The following PCDH11X variants were observed in gnomAD, a reference collection of about 807,000 sequenced individuals.
PCDH11X encodes protocadherin-11 X-linked.
A neutral mutation model predicts 53.3 loss-of-function variants in PCDH11X; 18 were observed. The observed-to-expected ratio is 0.34, with a 90% CI of 0.23 to 0.50. The LOEUF is 0.50. PCDH11X is among the 20% of genes least tolerant of loss of function. PCDH11X has a pLI of 0.98. For missense variants in PCDH11X, 570 were observed against 1,032.4 expected (o/e 0.55, Z 6.14); for synonymous variants, 279 against 393.3 (o/e 0.71, Z 3.44).
At chrX:92,494,755 A>G (rs2148688669) in intron 10 of PCDH11X, among the ~76,000 whole-genome samples, 1 of 101,134 alleles carries the variant, frequency 9.9e-6, no homozygotes, top group South Asian at 5.1e-4. Context: ...AGTATCAGTA[A>G]ATGCATAAGA....
At chrX:91,983,479 A>G in intron 6 of PCDH11X, 1 of 542,507 alleles carries the variant, frequency 1.8e-6, no homozygotes, top group Non-Finnish European at 3.3e-6. Context: ...ACTTGCCAAG[A>G]TTGGCATACA....
chrX:92,198,410 CAAAAAAAAAAA>C (rs148083122), intron 6 of PCDH11X, among the ~76,000 whole-genome samples: 1 of 31,620 alleles, frequency 3.2e-5, no homozygotes, highest in Admixed American at 6.0e-4. Flanking sequence ...GATCCTGTCT[CAAAAAAAAAAA>C]AAAAAAAAAA....
chrX:91,997,388 G>A (rs2062437914), intron 6 of PCDH11X, among the ~76,000 whole-genome samples: 2 of 111,227 alleles, frequency 1.8e-5, no homozygotes, highest in Admixed American at 1.9e-4. Context: ...GTTGAGCTAT[G>A]TTCCTTCTAT....
intron 10 of PCDH11X, among the ~76,000 whole-genome samples, chrX:92,489,767 A>T (rs192116432): frequency 0.014 from 1,519 of 105,242 alleles, 26 homozygotes; most frequent in African/African-American, 0.049. Context: ...ATATATATAA[A>T]TTTTTATATA....
At chrX:92,003,273 T>G (rs2062540874) in intron 6 of PCDH11X, among the ~76,000 whole-genome samples, 1 of 102,313 alleles carries the variant, frequency 9.8e-6, no homozygotes, top group African/African-American at 3.5e-5. Flanking sequence ...TATTGTTGAT[T>G]TTAGCTTGCT....
intron 6 of PCDH11X, among the ~76,000 whole-genome samples, chrX:92,126,681 A>AT (rs2064870884): frequency 9.7e-6 from 1 of 102,864 alleles, no homozygotes; most frequent in Non-Finnish European, 2.0e-5. Flanking sequence ...TTTTAAATAA[A>AT]TTTTTTACCA....
intron 5 of PCDH11X, among the ~76,000 whole-genome samples, chrX:91,871,227 T>C (rs901389755): frequency 9.0e-6 from 1 of 110,786 alleles, no homozygotes; most frequent in Non-Finnish European, 1.9e-5. Flanking sequence ...TTCCTTAATG[T>C]TTTCTAAAAC....
chrX:92,457,670 C>G (rs2072935173), intron 9 of PCDH11X, among the ~76,000 whole-genome samples: 1 of 107,527 alleles, frequency 9.3e-6, no homozygotes, highest in South Asian at 4.1e-4. Context: ...TATAAGTTGT[C>G]CATCCAGATG....
rs143353329 is a variant in PCDH11X at position 92,179,708 on chromosome X, C to G, written c.3034-21667C>G. On this transcript the variant is annotated intron_variant, in intron 6 of 10. Coordinates refer to ENST00000682573, the MANE Select transcript of PCDH11X (RefSeq NM_032968.5). Reference sequence around the variant, plus strand: ...AATTCCATGCTTATATCATAGAGTCCTTTTGAGCTTATTCAAAAGGCAATT... The same window carrying G: ...AATTCCATGCTTATATCATAGAGTCGTTTTGAGCTTATTCAAAAGGCAATT... 5.4e-3 allele frequency among the ~76,000 whole-genome samples: 602 copies of G among 111,901 alleles called. 6 individuals carry two copies. The highest frequency in any genetic ancestry group is 0.019 in the African/African-American group (579 of 30,816).
chrX:92,392,734 A>G (rs2071157977), intron 9 of PCDH11X, among the ~76,000 whole-genome samples: 2 of 110,057 alleles, frequency 1.8e-5, no homozygotes, highest in South Asian at 7.6e-4. Context: ...ATTAAAACTC[A>G]GCCTTTCATA....
At chrX:91,991,633 G>A (rs2062327085) in intron 6 of PCDH11X, among the ~76,000 whole-genome samples, 1 of 98,249 alleles carries the variant, frequency 1.0e-5, no homozygotes, top group African/African-American at 3.8e-5. Context: ...ATTCTGGATT[G>A]ATGTTCTCAG....
intron 10 of PCDH11X, among the ~76,000 whole-genome samples, chrX:92,516,121 C>T (rs1487717762): frequency 9.0e-6 from 1 of 111,401 alleles, no homozygotes; most frequent in East Asian, 2.8e-4. Context: ...TTTATATCTT[C>T]TCAGCTGTGT....
intron 9 of PCDH11X, among the ~76,000 whole-genome samples, chrX:92,396,727 C>T (rs34048229): frequency 1.0e-5 from 1 of 99,603 alleles, no homozygotes; most frequent in African/African-American, 3.7e-5. Flanking sequence ...CCTGTAATCC[C>T]AGCTACTTGG....
chrX:92,117,790 T>A (rs1022258926), intron 6 of PCDH11X, among the ~76,000 whole-genome samples: 11 of 111,437 alleles, frequency 9.9e-5, no homozygotes, highest in African/African-American at 3.6e-4. Context: ...AATTTATACA[T>A]CAAAGTGAGA....
chrX:92,093,994 G>T (rs2064090762), intron 6 of PCDH11X, among the ~76,000 whole-genome samples: 1 of 110,916 alleles, frequency 9.0e-6, no homozygotes, highest in Non-Finnish European at 1.9e-5. Flanking sequence ...TGAAACTCAT[G>T]ACTTCTTTTT....
intron 9 of PCDH11X, among the ~76,000 whole-genome samples, chrX:92,426,374 T>C (rs1437953363): frequency 9.5e-6 from 1 of 105,525 alleles, no homozygotes; most frequent in African/African-American, 3.5e-5. Context: ...TAAAAAACAA[T>C]GCAAGGTAGA....
intron 6 of PCDH11X, among the ~76,000 whole-genome samples, chrX:91,923,173 T>C (rs1343306405): frequency 1.9e-5 from 2 of 102,751 alleles, no homozygotes; most frequent in African/African-American, 7.2e-5. Context: ...TATGTATGAT[T>C]TCAAGAGATG....
chrX:92,159,604 C>A (rs1313511348), intron 6 of PCDH11X, among the ~76,000 whole-genome samples: 1 of 84,106 alleles, frequency 1.2e-5, no homozygotes, highest in Admixed American at 1.3e-4. Flanking sequence ...GTAAACTTAA[C>A]CTCATTGGGA....
At chrX:92,015,462 TTCAG>T (rs1262196762) in intron 6 of PCDH11X, among the ~76,000 whole-genome samples, 3 of 112,735 alleles carry the variant, frequency 2.7e-5, no homozygotes, top group African/African-American at 9.7e-5. Flanking sequence ...CTTTCAAGAT[TTCAG>T]TCAATCCTTT....
Sources: gnomAD v4.1 joint callset for allele counts (sites outside exome capture counted in the v4.1 genomes callset) on GRCh38, gnomAD v4.1.1 for gene constraint, MANE v1.5 for transcripts, NCBI Gene and HGNC (gene_info 2026-07-23, HGNC 2026-07-21) for gene names.